The following SUPT3H variants were observed in gnomAD, a reference collection of about 807,000 sequenced individuals.
The protein encoded by SUPT3H is transcription initiation protein SPT3 homolog.
A neutral mutation model predicts 44.3 loss-of-function variants in SUPT3H; 44 were observed. That is an observed-to-expected ratio of 0.99 (90% CI 0.78 to 1.28). SUPT3H has a LOEUF of 1.28. Ranked by LOEUF, SUPT3H falls within the 50% of genes most tolerant of loss-of-function variation. The pLI is 0.00. For missense variants in SUPT3H, 380 were observed against 387.1 expected, an observed-to-expected ratio of 0.98 and a Z score of 0.15; for synonymous variants, 124 against 125.6, an observed-to-expected ratio of 0.99 and a Z score of 0.09.
chr6:44,864,748 C>T (rs1561913381), intron 10 of SUPT3H, among the ~76,000 whole-genome samples: 1 of 151,558 alleles, frequency 6.6e-6, no homozygotes, highest in Admixed American at 6.6e-5. Context: ...GCCCAGCCCA[C>T]AAAAAAAACA....
intron 2 of SUPT3H, among the ~76,000 whole-genome samples, chr6:45,342,174 G>A (rs553012316): frequency 6.6e-6 from 1 of 152,144 alleles, no homozygotes; most frequent in African/African-American, 2.4e-5. Flanking sequence ...AAATAGGAAA[G>A]GGTTTTTATT....
intron 3 of SUPT3H, among the ~76,000 whole-genome samples, chr6:45,046,182 TA>T (rs567826602): frequency 1.5e-3 from 232 of 152,316 alleles, no homozygotes; most frequent in Non-Finnish European, 2.3e-3. Flanking sequence ...TTGTTATAAA[TA>T]ACCTTTCCCC....
At chr6:45,269,070 C>T (rs778967689) in intron 2 of SUPT3H, among the ~76,000 whole-genome samples, 3 of 152,106 alleles carry the variant, frequency 2.0e-5, no homozygotes, top group Non-Finnish European at 4.4e-5. Flanking sequence ...TTGGGTATAT[C>T]ATACTCCAAT....
At chr6:45,132,216 T>C (rs1583731132) in intron 2 of SUPT3H, among the ~76,000 whole-genome samples, 1 of 152,154 alleles carries the variant, frequency 6.6e-6, no homozygotes, top group Non-Finnish European at 1.5e-5. Flanking sequence ...AGAATTCCTA[T>C]AAAATTAAAT....
chr6:45,003,767 C>G lies in SUPT3H; in HGVS notation c.390G>C (p.Ala130=). 4 of 1,613,392 alleles carry G rather than the reference C, an allele frequency of 2.5e-6. No individual in the cohort carries two copies. Among genetic ancestry groups the G allele is most frequent in the Non-Finnish European group, 3.4e-6 (4 of 1,179,702 alleles). ...LEDKLSGSNN[A]NKRQKIAQDF... is the part of the protein sequence containing the mutation. ...CCTGAGCAATCTTTTGTCTTTTGTT[C>G]GCATTATTGCTGCCACTCAATTTGT... The change falls in exon 6 of 11, where the codon GCG becomes GCC. Residue 130 remains alanine, a synonymous_variant. Coordinates refer to ENST00000371459, the MANE Select transcript of SUPT3H (RefSeq NM_003599.4).
chr6:45,253,919 C>A, intron 2 of SUPT3H, among the ~76,000 whole-genome samples: 1 of 128,692 alleles, frequency 7.8e-6, no homozygotes, highest in Non-Finnish European at 1.6e-5. Context: ...GTGGAAGCAC[C>A]AGAACAAAAA....
chr6:44,996,233 T>A (rs2153501753), intron 6 of SUPT3H, among the ~76,000 whole-genome samples: 1 of 151,998 alleles, frequency 6.6e-6, no homozygotes, highest in East Asian at 1.9e-4. Flanking sequence ...CCCATCTTAC[T>A]TTTGACCATT....
At chr6:45,181,362 C>T (rs1813137582) in intron 2 of SUPT3H, among the ~76,000 whole-genome samples, 1 of 151,800 alleles carries the variant, frequency 6.6e-6, no homozygotes, top group African/African-American at 2.4e-5. Context: ...CATCCCATTA[C>T]TGGGTATATA....
At chr6:44,870,700 A>C (rs1288325813) in intron 10 of SUPT3H, among the ~76,000 whole-genome samples, 1 of 151,688 alleles carries the variant, frequency 6.6e-6, no homozygotes, top group Non-Finnish European at 1.5e-5. Context: ...TGAGCGACGC[A>C]GAAGACGGGT....
chr6:44,837,424 T>C (rs1389596365), intron 10 of SUPT3H, among the ~76,000 whole-genome samples: 2 of 152,232 alleles, frequency 1.3e-5, no homozygotes, highest in Non-Finnish European at 2.9e-5. Context: ...TAATGGGAAA[T>C]GCTGATGTGC....
At chr6:44,980,662 G>C (rs891262142) in intron 6 of SUPT3H, among the ~76,000 whole-genome samples, 1 of 152,094 alleles carries the variant, frequency 6.6e-6, no homozygotes, top group Non-Finnish European at 1.5e-5. Context: ...ATATGACTGA[G>C]GTTAAAAATT....
chr6:45,015,309 GGTAA>G (rs1447010915), intron 4 of SUPT3H, among the ~76,000 whole-genome samples: 2 of 151,998 alleles, frequency 1.3e-5, no homozygotes, highest in East Asian at 1.9e-4. Context: ...GTAAGAAAAT[GGTAA>G]GTATTTGTAT....
chr6:44,853,047 T>C (rs181126951), intron 10 of SUPT3H, among the ~76,000 whole-genome samples: 273 of 152,370 alleles, frequency 1.8e-3, no homozygotes, highest in African/African-American at 6.4e-3. Context: ...CCTTGCTCTC[T>C]AGAGATTAAA....
chr6:44,949,380 A>C (rs1240604303), intron 9 of SUPT3H, among the ~76,000 whole-genome samples: 1 of 152,160 alleles, frequency 6.6e-6, no homozygotes, highest in Non-Finnish European at 1.5e-5. Flanking sequence ...CCTAGAACTT[A>C]AAGTATAATT....
intron 10 of SUPT3H, among the ~76,000 whole-genome samples, chr6:44,929,590 T>C (rs1410628589): frequency 1.3e-5 from 2 of 152,198 alleles, no homozygotes; most frequent in African/African-American, 4.8e-5. Context: ...TAGGTGTCAA[T>C]CTATGATTAC....
At chr6:45,016,803 T>C (rs1209370632) in intron 4 of SUPT3H, among the ~76,000 whole-genome samples, 2 of 152,166 alleles carry the variant, frequency 1.3e-5, no homozygotes, top group Non-Finnish European at 2.9e-5. Flanking sequence ...ACAATAAACA[T>C]ACATGTGCAT....
intron 2 of SUPT3H, 38 bp from the exon 3 acceptor site, chr6:45,106,044 A>G (rs2153571334): frequency 6.6e-7 from 1 of 1,523,324 alleles, no homozygotes; most frequent in South Asian, 1.1e-5. Context: ...ATTAAGGACT[A>G]TAAAACTAAG....
intron 4 of SUPT3H, among the ~76,000 whole-genome samples, chr6:45,015,164 T>C (rs139124955): frequency 6.6e-6 from 1 of 152,148 alleles, no homozygotes; most frequent in African/African-American, 2.4e-5. Context: ...ATCTAAGAAA[T>C]GCCTCCTCAG....
intron 2 of SUPT3H, among the ~76,000 whole-genome samples, chr6:45,312,919 T>C (rs953726500): frequency 2.0e-5 from 3 of 151,976 alleles, no homozygotes; most frequent in African/African-American, 4.8e-5. Flanking sequence ...TTTAAGAAAA[T>C]TGAAATGCTA....
Sources: gnomAD v4.1 joint callset for allele counts (sites outside exome capture counted in the v4.1 genomes callset) on GRCh38, gnomAD v4.1.1 for gene constraint, MANE v1.5 for transcripts, NCBI Gene and HGNC (gene_info 2026-07-23, HGNC 2026-07-21) for gene names.